ERBB4: variants seen among roughly 807,000 people sequenced by gnomAD.
The protein encoded by ERBB4 is erb-b2 receptor tyrosine kinase 4, also known as receptor tyrosine-protein kinase erbB-4.
A neutral mutation model predicts 158.0 loss-of-function variants in ERBB4; 42 were observed. The ratio of observed to expected loss-of-function variants is 0.27; its 90% confidence interval spans 0.21 to 0.34. ERBB4 has a LOEUF of 0.34. ERBB4 is among the 10% of genes least tolerant of loss of function. The pLI, the probability that ERBB4 is intolerant of heterozygous loss-of-function variation, is 1.00. For missense variants in ERBB4, 1,333 were observed against 1,624.1 expected (o/e 0.82, Z 3.08); for synonymous variants, 583 against 558.7 (o/e 1.04, Z -0.61).
At chr2:212,335,309 GAT>G (rs1320829923) in intron 1 of ERBB4, among the ~76,000 whole-genome samples, 2 of 151,726 alleles carry the variant, frequency 1.3e-5, no homozygotes, top group African/African-American at 2.4e-5. Context: ...ATACAAAATT[GAT>G]ATGTTTTAAC....
intron 1 of ERBB4, among the ~76,000 whole-genome samples, chr2:212,495,697 G>T (rs1266032516): frequency 3.3e-5 from 5 of 152,128 alleles, no homozygotes; most frequent in African/African-American, 1.2e-4. Context: ...TAGCCTTCAG[G>T]AAAGATCAGC....
chr2:211,600,707 C>T (rs1559337844), intron 19 of ERBB4, among the ~76,000 whole-genome samples: 1 of 152,128 alleles, frequency 6.6e-6, no homozygotes, highest in East Asian at 1.9e-4. Flanking sequence ...CATTTGGGGA[C>T]ACCACACACA....
At chr2:211,997,370 GA>G (rs917597100) in intron 2 of ERBB4, among the ~76,000 whole-genome samples, 1 of 151,706 alleles carries the variant, frequency 6.6e-6, no homozygotes, top group Non-Finnish European at 1.5e-5. Flanking sequence ...AAATACTTCT[GA>G]ACTATTTACT....
chr2:212,071,643 G>T lies in ERBB4; in HGVS notation c.234+53109C>A, dbSNP rs2078121804. Among the ~76,000 whole-genome samples the T allele has an allele frequency of 2.6e-5, 4 of 151,974 alleles. No individual in the cohort carries two copies. The South Asian group carries it at 8.3e-4, about 31-fold the overall frequency. ...AATCAAAATATTTATTCACGAGAAA[G>T]AATACTTTAACAACAGATGTACAAA... On this transcript the variant is annotated intron_variant, in intron 2 of 27. Transcript: ENST00000342788.
intron 3 of ERBB4, among the ~76,000 whole-genome samples, chr2:211,885,682 A>C (rs11904796): frequency 0.06 from 9,166 of 152,134 alleles, 863 homozygotes; most frequent in African/African-American, 0.2. Flanking sequence ...CTGGTCTTGA[A>C]CTACTGACCT....
chr2:211,994,244 C>A (rs1353421711), intron 2 of ERBB4, among the ~76,000 whole-genome samples: 1 of 152,038 alleles, frequency 6.6e-6, no homozygotes, highest in Non-Finnish European at 1.5e-5. Flanking sequence ...AGTCCTCCTA[C>A]CTCATTCTCC....
intron 2 of ERBB4, among the ~76,000 whole-genome samples, chr2:211,979,710 T>C (rs1334045146): frequency 6.6e-6 from 1 of 152,168 alleles, no homozygotes; most frequent in African/African-American, 2.4e-5. Flanking sequence ...TTCAGTGAAA[T>C]GTTTAATCAT....
intron 20 of ERBB4, among the ~76,000 whole-genome samples, chr2:211,469,982 G>A (rs1172188456): frequency 1.3e-5 from 2 of 151,958 alleles, no homozygotes; most frequent in African/African-American, 2.4e-5. Context: ...GGGTATTCCG[G>A]TTATAATCAT....
intron 20 of ERBB4, among the ~76,000 whole-genome samples, chr2:211,500,423 C>G (rs953458757): frequency 2.0e-5 from 3 of 152,060 alleles, no homozygotes; most frequent in African/African-American, 7.2e-5. Flanking sequence ...TGAAAACTGA[C>G]TTAGTTGCCA....
intron 20 of ERBB4, among the ~76,000 whole-genome samples, chr2:211,506,697 T>G (rs73071142): frequency 0.056 from 8,312 of 148,476 alleles, 760 homozygotes; most frequent in African/African-American, 0.19. Context: ...TTAAAAAAAT[T>G]GAAACAAATG....
At position 211,691,602 on chromosome 2, in the gene ERBB4, G is replaced by GTGTGTGTGTGTGTA. The variant is rs1225867697; in HGVS notation, c.1489+10364_1489+10365insTACACACACACACA. On this transcript the variant is annotated intron_variant, in intron 12 of 27. Coordinates refer to ENST00000342788, the MANE Select transcript of ERBB4 (RefSeq NM_005235.3). ...TGTGTGTGTGTGTGTGTGTGTGTGT[G>GTGTGTGTGTGTGTA]TATATATATAACAGATTGCTGAGAG... 3.5e-3 allele frequency among the ~76,000 whole-genome samples: 515 copies of GTGTGTGTGTGTGTA among 145,382 alleles called. 3 individuals are homozygous for GTGTGTGTGTGTGTA. Among genetic ancestry groups the GTGTGTGTGTGTGTA allele is most frequent in the African/African-American group, 0.012 (488 of 39,116 alleles).
chr2:212,508,926 T>C (rs887100105), intron 1 of ERBB4, among the ~76,000 whole-genome samples: 2 of 152,114 alleles, frequency 1.3e-5, no homozygotes, highest in African/African-American at 4.8e-5. Context: ...TTCTATACTT[T>C]CATGTCTGCC....
Position 211,878,305 on chromosome 2 carries a change from A to C in ERBB4, c.421+69125T>G, listed in dbSNP as rs1413586561. Among the ~76,000 whole-genome samples, 4 of 152,204 alleles carry C rather than the reference A, an allele frequency of 2.6e-5. No individual in the cohort carries two copies. The South Asian group carries it at 8.3e-4, about 31-fold the overall frequency. The stretch of plus-strand genomic sequence containing the variant: ...TTGTCCTTTAGGCCTAAACAACTAA[A>C]GAAAAAAAATTTAAATAACAAAATA... On this transcript the variant is annotated intron_variant, in intron 3 of 27. Transcript: ENST00000342788.
At chr2:212,193,952 A>G in intron 1 of ERBB4, among the ~76,000 whole-genome samples, 1 of 152,056 alleles carries the variant, frequency 6.6e-6, no homozygotes, top group East Asian at 1.9e-4. Flanking sequence ...GAGCCACACC[A>G]TTGTTTTGAC....
At chr2:212,245,542 C>A (rs1035494673) in intron 1 of ERBB4, among the ~76,000 whole-genome samples, 3 of 152,090 alleles carry the variant, frequency 2.0e-5, no homozygotes, top group African/African-American at 7.2e-5. Flanking sequence ...TCAGTGAAAT[C>A]TTCTTGCCAA....
In ERBB4 at chr2:211,599,648, A is replaced by G. The variant is rs536918446; in HGVS notation, c.2301+19529T>C. 1.2e-3 allele frequency among the ~76,000 whole-genome samples: 180 copies of G among 152,124 alleles called. 1 individual carries two copies. The highest frequency in any genetic ancestry group is 0.01 in the Middle Eastern group (3 of 294). On this transcript the variant is annotated intron_variant, in intron 19 of 27. Coordinates refer to ENST00000342788, the MANE Select transcript of ERBB4 (RefSeq NM_005235.3). The stretch of plus-strand genomic sequence containing the variant: ...GGTAATCTTTATACCTCTATAGTCT[A>G]TGAAAACAATGGCCACCATAAATAT...
chr2:211,416,934 CTT>C (rs1180049528), intron 25 of ERBB4, among the ~76,000 whole-genome samples: 1 of 151,472 alleles, frequency 6.6e-6, no homozygotes, highest in Non-Finnish European at 1.5e-5. Flanking sequence ...AATAAATACT[CTT>C]TGCTTTTTTC....
intron 1 of ERBB4, among the ~76,000 whole-genome samples, chr2:212,365,960 G>C (rs1041904183): frequency 2.0e-5 from 3 of 151,758 alleles, no homozygotes; most frequent in Admixed American, 6.6e-5. Context: ...GCATATAGTA[G>C]AAAAATATCA....
chr2:212,065,028 T>TTG (rs1220915180), intron 2 of ERBB4, among the ~76,000 whole-genome samples: 1 of 130,296 alleles, frequency 7.7e-6, no homozygotes, highest in African/African-American at 2.8e-5. Context: ...TGTGTGTGTG[T>TTG]TGTGTGTGTG....
Sources: gnomAD v4.1 joint callset for allele counts (sites outside exome capture counted in the v4.1 genomes callset) on GRCh38, gnomAD v4.1.1 for gene constraint, MANE v1.5 for transcripts, NCBI Gene and HGNC (gene_info 2026-07-23, HGNC 2026-07-21) for gene names.